Variants in XIRP2 observed in about 807,000 individuals in gnomAD.
XIRP2 encodes xin actin-binding repeat-containing protein 2.
Under a neutral mutation model 277.0 loss-of-function variants are expected in XIRP2, and 236 were observed. The ratio of observed to expected loss-of-function variants is 0.85; its 90% CI spans 0.77 to 0.95. The LOEUF is 0.95. Among genes scored for constraint, XIRP2 ranks in the 40% least tolerant of loss-of-function variants. The probability of loss-of-function intolerance (pLI) is 0.00; values close to 1 mark genes in which losing one functional copy is unlikely to be tolerated. For synonymous variants in XIRP2, 1,490 were observed against 1,416.5 expected, an observed-to-expected ratio of 1.05 and a Z score of -1.17; for missense variants, 4,640 against 4,157.5, an observed-to-expected ratio of 1.12 and a Z score of -3.19.
chr2:167,103,144 A>G (rs1300171536), intron 2 of XIRP2, among the ~76,000 whole-genome samples: 3 of 152,122 alleles, frequency 2.0e-5, no homozygotes, highest in African/African-American at 7.2e-5. Flanking sequence ...GTCTCAAAAA[A>G]GGAAAGGAAG....
chr2:167,096,988 G>A (rs1478636994), intron 2 of XIRP2, among the ~76,000 whole-genome samples: 2 of 152,200 alleles, frequency 1.3e-5, no homozygotes, highest in Non-Finnish European at 2.9e-5. Context: ...TACAGAATAA[G>A]TGTGATGTGG....
intron 2 of XIRP2, among the ~76,000 whole-genome samples, chr2:166,943,454 A>G (rs1261560584): frequency 2.0e-5 from 3 of 152,218 alleles, no homozygotes; most frequent in Non-Finnish European, 4.4e-5. Flanking sequence ...CAGAAGATCC[A>G]GCAAGGTATG....
intron 2 of XIRP2, among the ~76,000 whole-genome samples, chr2:167,043,635 G>A (rs1331963390): frequency 6.6e-6 from 1 of 151,912 alleles, no homozygotes; most frequent in East Asian, 1.9e-4. Context: ...TCCCAAGATT[G>A]AACTAGGAAG....
intron 2 of XIRP2, among the ~76,000 whole-genome samples, chr2:167,023,737 C>A (rs1217014042): frequency 1.3e-5 from 2 of 152,042 alleles, no homozygotes; most frequent in Non-Finnish European, 2.9e-5. Context: ...GCTTGATTTT[C>A]TCGGGTTTGT....
chr2:167,243,417 A>G lies in XIRP2; in HGVS notation c.2025A>G (p.Glu675=), dbSNP rs1449786322. 1 of 1,614,032 alleles carries G rather than the reference A, an allele frequency of 6.2e-7. No homozygotes were observed. Among genetic ancestry groups the G allele is most frequent in the South Asian group, 1.1e-5 (1 of 91,066 alleles). ...ATAAAATGCATCAAAGTCAAGAAGA[A>G]TCAGCGGTAACTATCAGTAAGGACA... ...SMNKMHQSQE[E]SAVTISKDIT... Residue 675 remains glutamate (E), a synonymous_variant, in exon 9 of 11, where the codon GAA becomes GAG. Coordinates refer to ENST00000409195, the MANE Select transcript of XIRP2 (RefSeq NM_152381.6).
intron 2 of XIRP2, among the ~76,000 whole-genome samples, chr2:167,045,704 GA>G (rs147360859): frequency 0.016 from 2,481 of 152,180 alleles, 25 homozygotes; most frequent in African/African-American, 0.025. Flanking sequence ...ACACCAGTAA[GA>G]ATGGCTATAA....
rs868126994 is a variant in XIRP2, at chr2:167,102,095, A to C, written c.409-33814A>C. Among the ~76,000 whole-genome samples, 5 of 152,302 alleles carry C rather than the reference A, an allele frequency of 3.3e-5. No homozygotes were observed. The South Asian group carries it at 8.3e-4, about 25-fold the overall frequency. The stretch of plus-strand genomic sequence containing the variant: ...TTAGTGATCTCAACTGAAGGGTTTA[A>C]TTGCCAGTGTAGGAAGGTAAGTGGT... On this transcript the variant is annotated intron_variant, in intron 2 of 10. Coordinates refer to ENST00000409195, the MANE Select transcript of XIRP2 (RefSeq NM_152381.6).
intron 2 of XIRP2, among the ~76,000 whole-genome samples, chr2:166,967,583 C>T (rs960682416): frequency 1.3e-5 from 2 of 151,834 alleles, no homozygotes; most frequent in Admixed American, 6.6e-5. Flanking sequence ...TATGGCAAAG[C>T]GAGACCTACC....
chr2:167,010,659 G>A (rs1687651113), intron 2 of XIRP2, among the ~76,000 whole-genome samples: 1 of 152,048 alleles, frequency 6.6e-6, no homozygotes, highest in Non-Finnish European at 1.5e-5. Flanking sequence ...ATTACCTTGG[G>A]CAGTATGGCC....
intron 3 of XIRP2, among the ~76,000 whole-genome samples, chr2:167,153,606 T>G (rs570345290): frequency 6.9e-4 from 105 of 151,826 alleles, no homozygotes; most frequent in African/African-American, 2.5e-3. Context: ...CCCCTTCCTG[T>G]GTCCATGTGT....
intron 2 of XIRP2, among the ~76,000 whole-genome samples, chr2:167,023,421 T>A (rs1404794562): frequency 5.3e-5 from 8 of 152,100 alleles, no homozygotes; most frequent in Admixed American, 1.3e-4. Flanking sequence ...TTCACTCTGA[T>A]GGTAGTTTCT....
intron 2 of XIRP2, among the ~76,000 whole-genome samples, chr2:166,996,462 C>A (rs1687222190): frequency 6.6e-6 from 1 of 152,144 alleles, no homozygotes; most frequent in Non-Finnish European, 1.5e-5. Context: ...GAAAACCCAT[C>A]TCTAATAAAA....
intron 3 of XIRP2, among the ~76,000 whole-genome samples, chr2:167,179,280 C>T (rs1341878034): frequency 6.6e-5 from 10 of 150,646 alleles, no homozygotes; most frequent in East Asian, 3.9e-4. Context: ...ATATTTTAGT[C>T]GCTTCCCCAG....
chr2:167,029,028 GA>G (rs1688252182), intron 2 of XIRP2, among the ~76,000 whole-genome samples: 1 of 151,378 alleles, frequency 6.6e-6, no homozygotes, highest in Non-Finnish European at 1.5e-5. Context: ...GGAGATAAAA[GA>G]AAAAAAGAAT....
At chr2:166,904,990 C>G (rs902279786) in intron 2 of XIRP2, among the ~76,000 whole-genome samples, 3 of 151,894 alleles carry the variant, frequency 2.0e-5, no homozygotes, top group African/African-American at 7.2e-5. Context: ...TCAAGTAACT[C>G]TAATTTGTTT....
rs753779688 is a variant in XIRP2, at chr2:167,249,975, T to C, written c.8583T>C (p.His2861=). 6.2e-7 allele frequency: 1 copy of C among 1,613,598 alleles called. No homozygotes were observed. The highest frequency in any genetic ancestry group is 8.5e-7 in the Non-Finnish European group (1 of 1,179,696). ...TCAAGCAAAAGGTTATCGATGCACA[T>C]CTTGATTCACAGACTCAGAATTTTC... is the stretch of plus-strand genomic sequence containing the variant. The part of the protein sequence containing the change: ...KVVKQKVIDA[H]LDSQTQNFQQ... Residue 2861 remains histidine (H), a synonymous_variant, in exon 9 of 11, where the codon CAT becomes CAC. Transcript: ENST00000409195.
chr2:167,152,764 C>A (rs542140438), intron 3 of XIRP2, among the ~76,000 whole-genome samples: 89 of 152,116 alleles, frequency 5.9e-4, no homozygotes, highest in African/African-American at 2.0e-3. Context: ...AACAGAAGCC[C>A]ATTGAGAATT....
chr2:167,193,941 T>C (rs1367369505), intron 3 of XIRP2, among the ~76,000 whole-genome samples: 1 of 151,862 alleles, frequency 6.6e-6, no homozygotes, highest in Non-Finnish European at 1.5e-5. Flanking sequence ...ATTATTTGTA[T>C]TGAGGAAGTG....
intron 3 of XIRP2, among the ~76,000 whole-genome samples, chr2:167,142,315 C>T (rs1397668766): frequency 6.6e-6 from 1 of 152,042 alleles, no homozygotes; most frequent in African/African-American, 2.4e-5. Flanking sequence ...TTTGGGAGGC[C>T]AAGGTGGGCA....
Sources: allele counts gnomAD v4.1 joint callset (sites outside exome capture counted in the v4.1 genomes callset), GRCh38; gene constraint gnomAD v4.1.1; transcripts MANE v1.5; gene names NCBI Gene and HGNC (gene_info 2026-07-23, HGNC 2026-07-21).